Variants in WDR49 observed in about 807,000 individuals in gnomAD.
The protein encoded by WDR49 is WD repeat domain 49, also known as cilia- and flagella-associated protein 337.
A neutral mutation model predicts 119.5 loss-of-function variants in WDR49; 107 were observed. The observed-to-expected ratio is 0.90, with a 90% CI of 0.77 to 1.05. The LOEUF is 1.05. Ranked by LOEUF, WDR49 falls within the 50% of genes least tolerant of loss-of-function variation. The probability of loss-of-function intolerance (pLI) is 0.00; values close to 1 mark genes in which losing one functional copy is unlikely to be tolerated. For synonymous variants in WDR49, 425 were observed against 418.8 expected (o/e 1.01, Z -0.18); for missense variants, 1,240 against 1,220.5 (o/e 1.02, Z -0.24).
At position 167,560,161 on chromosome 3, in the gene WDR49, T is replaced by G. The variant is rs138176013; in HGVS notation, c.1577A>C (p.Gln526Pro). 20 of 1,614,012 alleles carry G rather than the reference T, an allele frequency of 1.2e-5. No homozygotes were observed. Among genetic ancestry groups the G allele is most frequent in the Non-Finnish European group, 1.6e-5 (19 of 1,180,038 alleles). ...TGCGTTGCCGTGGCAACCAGTAAAC[T>G]GTTTGATTTTCTGCCCAGTGTCTAT... Reference protein sequence around the residue: ...WMIDTGQKIKQFTGCHGNAEI... With the variant: ...WMIDTGQKIKPFTGCHGNAEI... The change falls in exon 9 of 19, where the codon CAG becomes CCG. Residue 526 changes from glutamine to proline, a missense_variant. Transcript: ENST00000682715.
rs56725554 is a variant in WDR49, at chr3:167,579,413, T to A, written c.1276-3262A>T. On this transcript the variant is annotated intron_variant, in intron 7 of 18. Coordinates refer to ENST00000682715, the MANE Select transcript of WDR49 (RefSeq NM_001366157.1). ...CCCAATTGCAGTTCTCACATAATCCTCAATGAAATTTTATGGGACTTTTTA... is the reference window on the plus strand; with the variant it reads ...CCCAATTGCAGTTCTCACATAATCCACAATGAAATTTTATGGGACTTTTTA... Among the ~76,000 whole-genome samples the A allele has an allele frequency of 6.9e-3, 1,048 of 152,302 alleles. 56 individuals carry two copies. In the East Asian group the frequency reaches 0.13, roughly 20 times the overall value.
intron 18 of WDR49, among the ~76,000 whole-genome samples, chr3:167,485,751 G>A (rs968078280): frequency 6.6e-6 from 1 of 152,034 alleles, no homozygotes. Context: ...AAAACTATGA[G>A]ATTATATAAA....
chr3:167,585,706 T>TA (rs1290971334), intron 7 of WDR49, among the ~76,000 whole-genome samples: 1 of 151,830 alleles, frequency 6.6e-6, no homozygotes, highest in Non-Finnish European at 1.5e-5. Flanking sequence ...GGATAATATA[T>TA]ATAATAACAT....
intron 7 of WDR49, among the ~76,000 whole-genome samples, chr3:167,598,254 G>GAGATCAC (rs1489171827): frequency 6.7e-6 from 1 of 150,244 alleles, no homozygotes; most frequent in Non-Finnish European, 1.5e-5. Flanking sequence ...GCAGTGAGCC[G>GAGATCAC]AGATCACACC....
chr3:167,528,034 AC>A lies in WDR49; in HGVS notation c.2407-18del, dbSNP rs778957972. The stretch of plus-strand genomic sequence containing the variant: ...ACAGTACTCCTGAATGAAAAGAAAT[AC>A]CAGAACTCTAAAAAATTCAAATATG... On this transcript the variant is annotated intron_variant, in intron 14 of 18. Coordinates refer to ENST00000682715, the MANE Select transcript of WDR49 (RefSeq NM_001366157.1). 6 of 1,594,440 alleles carry A rather than the reference AC, an allele frequency of 3.8e-6. No homozygotes were observed. The African/African-American group carries it at 8.1e-5, about 22-fold the overall frequency.
intron 6 of WDR49, 110 bp from the exon 7 acceptor site, chr3:167,602,385 G>C: frequency 1.5e-5 from 14 of 963,274 alleles, no homozygotes; most frequent in South Asian, 2.7e-5. Context: ...AATGTCAACT[G>C]TAGGTTGACT....
intron 7 of WDR49, among the ~76,000 whole-genome samples, chr3:167,597,481 G>A (rs1715541387): frequency 2.0e-5 from 3 of 152,152 alleles, no homozygotes; most frequent in East Asian, 1.9e-4. Flanking sequence ...AGTCCCCCTG[G>A]GGCACTGACT....
Position 167,531,352 on chromosome 3 carries a change from G to T in WDR49, c.2054-73C>A. On this transcript the variant is annotated intron_variant, in intron 12 of 18. Coordinates refer to ENST00000682715, the MANE Select transcript of WDR49 (RefSeq NM_001366157.1). ...TTTTCAAACTAATGCCTATGAAATA[G>T]CAGGCCCACATCTATCACTATATCC... The T allele has an allele frequency of 2.6e-6, 4 of 1,515,646 alleles. No individual in the cohort carries two copies. In the South Asian group the frequency reaches 4.7e-5, roughly 18 times the overall value. The allele number at this position is 1,515,646 out of a possible 1,614,324, so 93.9% of individuals were successfully genotyped here.
At chr3:167,563,541 G>A (rs1713406453) in intron 8 of WDR49, among the ~76,000 whole-genome samples, 1 of 151,986 alleles carries the variant, frequency 6.6e-6, no homozygotes, top group Non-Finnish European at 1.5e-5. Flanking sequence ...TTAAGAAAAG[G>A]TTAAAGATTG....
At chr3:167,590,612 T>C (rs924216891) in intron 7 of WDR49, among the ~76,000 whole-genome samples, 1 of 152,048 alleles carries the variant, frequency 6.6e-6, no homozygotes, top group Non-Finnish European at 1.5e-5. Context: ...TTTGAAAATT[T>C]TTATGGTTCA....
chr3:167,625,825 C>T (rs1274092214), intron 3 of WDR49, among the ~76,000 whole-genome samples: 1 of 151,056 alleles, frequency 6.6e-6, no homozygotes, highest in African/African-American at 2.4e-5. Flanking sequence ...TAAACAACAC[C>T]ATGTAGACAC....
At chr3:167,537,917 G>T (rs1401456785) in intron 10 of WDR49, among the ~76,000 whole-genome samples, 1 of 152,020 alleles carries the variant, frequency 6.6e-6, no homozygotes, top group Non-Finnish European at 1.5e-5. Context: ...AGGTCTCTTA[G>T]TTGTCCTACC....
Position 167,531,216 on chromosome 3 carries a change from T to C in WDR49, c.2117A>G (p.His706Arg), listed in dbSNP as rs1175602911. The change falls in exon 13 of 19, where the codon CAT becomes CGT. Residue 706 changes from histidine (H) to arginine (R), a missense_variant. By Grantham distance (29) the His-to-Arg change is conservative. Coordinates refer to ENST00000682715, the MANE Select transcript of WDR49 (RefSeq NM_001366157.1). ...AAAGTTGCGGACTCCCGTGGTAGAA[T>C]GGTCTGCCATGGGGTGGGAGGGTTG... ...RSQPSHPMAD[H>R]STTGVRNFEI... 2.5e-6 allele frequency: 4 copies of C among 1,611,686 alleles called. No individual in the cohort carries two copies. The highest frequency in any genetic ancestry group is 3.4e-6 in the Non-Finnish European group (4 of 1,179,566).
chr3:167,518,254 T>C (rs1450238262), intron 16 of WDR49, among the ~76,000 whole-genome samples: 4 of 151,986 alleles, frequency 2.6e-5, no homozygotes, highest in African/African-American at 4.8e-5. Context: ...TACCCAGTAA[T>C]GGGATGGCTG....
intron 18 of WDR49, among the ~76,000 whole-genome samples, chr3:167,495,282 G>C (rs770332545): frequency 2.6e-4 from 39 of 152,064 alleles, no homozygotes; most frequent in Middle Eastern, 3.4e-3. Context: ...AAATGGATGA[G>C]AAAAATTTAA....
intron 2 of WDR49, among the ~76,000 whole-genome samples, chr3:167,645,417 C>A (rs1412890369): frequency 1.3e-5 from 2 of 151,984 alleles, no homozygotes; most frequent in Non-Finnish European, 2.9e-5. Flanking sequence ...ACCATGTTGG[C>A]CAAGCTAGTC....
intron 2 of WDR49, among the ~76,000 whole-genome samples, chr3:167,629,481 C>A (rs1048702704): frequency 2.0e-5 from 3 of 151,996 alleles, no homozygotes; most frequent in Non-Finnish European, 4.4e-5. Context: ...TGTTTTTATG[C>A]CTGCTAACAC....
chr3:167,602,180 C>G lies in WDR49; in HGVS notation c.1222G>C (p.Ala408Pro). The G allele has an allele frequency of 6.2e-7, 1 of 1,607,112 alleles. No individual in the cohort carries two copies. Residue 408 changes from alanine (A) to proline (P), a missense_variant, in exon 7 of 19, where the codon GCC becomes CCC. Coordinates refer to ENST00000682715, the MANE Select transcript of WDR49 (RefSeq NM_001366157.1). ...VLWGHSASVI[A>P]VQFFVERKQL... ...TTTCTTTCCACAAAGAATTGGACGG[C>G]TATTACACTGGCTGAGTGGCCCCAA...
Position 167,580,068 on chromosome 3 carries a change from AAAT to A in WDR49, c.1276-3920_1276-3918del, listed in dbSNP as rs1164518321. Among the ~76,000 whole-genome samples the A allele has an allele frequency of 2.0e-5, 3 of 152,212 alleles. No homozygotes were observed. The East Asian group carries it at 5.8e-4, about 29-fold the overall frequency. ...CATTTAGTCACATAAATTATATGAT[AAAT>A]TAAAAACAGGTGAGCCATAACCTGT... On this transcript the variant is annotated intron_variant, in intron 7 of 18. Transcript: ENST00000682715.
Sources: gnomAD v4.1 joint callset for allele counts (sites outside exome capture counted in the v4.1 genomes callset) on GRCh38, gnomAD v4.1.1 for gene constraint, MANE v1.5 for transcripts, NCBI Gene and HGNC (gene_info 2026-07-23, HGNC 2026-07-21) for gene names.